Variants in DTNB observed in about 807,000 individuals in gnomAD.
DTNB encodes the protein DTN-B.
In DTNB, 63 loss-of-function variants were observed where a neutral mutation model predicts 90.7. The observed-to-expected ratio is 0.69, with a 90% CI of 0.57 to 0.86. DTNB has a LOEUF of 0.86. Among genes scored for constraint, DTNB ranks in the 40% least tolerant of loss-of-function variants. The pLI is 0.00. For missense variants in DTNB, 744 were observed against 807.1 expected (o/e 0.92, Z 0.95); for synonymous variants, 277 against 286.7 (o/e 0.97, Z 0.34).
chr2:25,613,593 C>A (rs939284177), intron 4 of DTNB, among the ~76,000 whole-genome samples: 1 of 150,420 alleles, frequency 6.6e-6, no homozygotes, highest in African/African-American at 2.5e-5. Flanking sequence ...TAAAAGACAA[C>A]AAGTCAGTAT....
intron 4 of DTNB, among the ~76,000 whole-genome samples, chr2:25,627,336 C>T (rs1422952178): frequency 2.0e-5 from 3 of 151,804 alleles, no homozygotes; most frequent in Middle Eastern, 3.2e-3. Flanking sequence ...CGCTTGAACC[C>T]GGGGGGTGGA....
chr2:25,386,090 C>T, intron 18 of DTNB: 2 of 985,500 alleles, frequency 2.0e-6, no homozygotes, highest in Non-Finnish European at 2.4e-6. Context: ...GGCCGTGCTT[C>T]TGATGGGGGT....
At chr2:25,405,091 C>T (rs147746806) in intron 16 of DTNB, among the ~76,000 whole-genome samples, 88 of 152,116 alleles carry the variant, frequency 5.8e-4, no homozygotes, top group Non-Finnish European at 1.1e-3. Flanking sequence ...CCATGCCTGG[C>T]TAATTACTGT....
intron 12 of DTNB, among the ~76,000 whole-genome samples, chr2:25,444,612 T>TG (rs1558551631): frequency 6.6e-6 from 1 of 151,220 alleles, no homozygotes; most frequent in Non-Finnish European, 1.5e-5. Flanking sequence ...CAACGTGAAA[T>TG]GTCTTTCTTC....
intron 19 of DTNB, chr2:25,379,926 T>C (rs1176599137): frequency 6.6e-6 from 1 of 152,474 alleles, no homozygotes; most frequent in Non-Finnish European, 1.5e-5. Context: ...GATGATGTAC[T>C]ATGGGGGAAG....
At chr2:25,450,653 T>C (rs1046182001) in intron 12 of DTNB, among the ~76,000 whole-genome samples, 2 of 152,248 alleles carry the variant, frequency 1.3e-5, no homozygotes, top group Non-Finnish European at 2.9e-5. Flanking sequence ...ATCCTAACAA[T>C]ATTAAATCTT....
chr2:25,481,072 G>A (rs1364382769), intron 10 of DTNB, among the ~76,000 whole-genome samples: 2 of 151,978 alleles, frequency 1.3e-5, no homozygotes, highest in East Asian at 1.9e-4. Flanking sequence ...CCAAAAGGTA[G>A]ATATTATTTT....
intron 9 of DTNB, among the ~76,000 whole-genome samples, chr2:25,510,917 G>A (rs2150685371): frequency 6.6e-6 from 1 of 152,290 alleles, no homozygotes; most frequent in South Asian, 2.1e-4. Context: ...TGGGATTTGG[G>A]GGCTAAAAAT....
chr2:25,579,881 T>C (rs770106978), intron 7 of DTNB, among the ~76,000 whole-genome samples: 6 of 151,910 alleles, frequency 3.9e-5, no homozygotes, highest in Non-Finnish European at 8.8e-5. Context: ...TAAAAATCAG[T>C]TGGGCTCAAA....
chr2:25,553,115 C>G (rs2056657005), intron 8 of DTNB, among the ~76,000 whole-genome samples: 1 of 151,836 alleles, frequency 6.6e-6, no homozygotes, highest in East Asian at 1.9e-4. Context: ...CCGCCTCGGC[C>G]TCCCAGTTGA....
At chr2:25,437,078 C>T (rs1431646645) in intron 12 of DTNB, among the ~76,000 whole-genome samples, 1 of 152,028 alleles carries the variant, frequency 6.6e-6, no homozygotes, top group African/African-American at 2.4e-5. Flanking sequence ...CACTGTAATG[C>T]AAATATAAAG....
intron 16 of DTNB, 73 bp downstream of exon 16, chr2:25,419,442 A>G (rs537967610): frequency 1.3e-6 from 2 of 1,550,114 alleles, no homozygotes; most frequent in Admixed American, 3.9e-5. Flanking sequence ...AGAAGAGGAG[A>G]AACATTTATA....
At chr2:25,599,741 T>C (rs1473614973) in intron 5 of DTNB, among the ~76,000 whole-genome samples, 1 of 152,066 alleles carries the variant, frequency 6.6e-6, no homozygotes, top group African/African-American at 2.4e-5. Context: ...ATGTTACCAA[T>C]GATATGAATA....
intron 6 of DTNB, among the ~76,000 whole-genome samples, chr2:25,585,685 T>C (rs916876132): frequency 2.0e-5 from 3 of 152,244 alleles, no homozygotes; most frequent in East Asian, 1.9e-4. Flanking sequence ...ATGTGCAACA[T>C]AGAAATATTT....
intron 8 of DTNB, among the ~76,000 whole-genome samples, chr2:25,543,653 A>C (rs2081822649): frequency 6.6e-6 from 1 of 152,184 alleles, no homozygotes; most frequent in Admixed American, 6.5e-5. Context: ...TATCTAGAAA[A>C]TTTAATGAAT....
rs139353304 is a variant in DTNB at position 25,382,194 on chromosome 2, T to A, written c.1879+1642A>T. Among the ~76,000 whole-genome samples, 65 of 152,300 alleles carry A rather than the reference T, an allele frequency of 4.3e-4. No individual in the cohort carries two copies. In the Middle Eastern group the frequency reaches 0.01, roughly 24 times the overall value. ...GCTTCCTGCTCTCCCTACCTTCACC[T>A]CCTTGGGGTGACCAGCCATTGCATT... On this transcript the variant is annotated intron_variant, in intron 19 of 20. Transcript: ENST00000406818.
intron 12 of DTNB, among the ~76,000 whole-genome samples, chr2:25,440,743 G>C (rs1002799201): frequency 6.6e-6 from 1 of 152,144 alleles, no homozygotes; most frequent in Non-Finnish European, 1.5e-5. Flanking sequence ...ACTCAAACTA[G>C]GTTAAACAGT....
chr2:25,392,147 G>A (rs1346472339), intron 16 of DTNB, among the ~76,000 whole-genome samples: 2 of 152,078 alleles, frequency 1.3e-5, no homozygotes, highest in African/African-American at 2.4e-5. Context: ...GGTGGCTCAC[G>A]CCTGTAATCC....
Position 25,392,756 on chromosome 2 carries a change from A to C in DTNB, c.1576-4395T>G, listed in dbSNP as rs570232388. On this transcript the variant is annotated intron_variant, in intron 16 of 20. Transcript: ENST00000406818. ...GTGAGATTGAAATGGTAATAAAAAA[A>C]ATTGCCAACAAAAAACAGTCCAGGA... 3.9e-5 allele frequency among the ~76,000 whole-genome samples: 6 copies of C among 152,310 alleles called. No individual in the cohort carries two copies. In the South Asian group the frequency reaches 1.2e-3, roughly 32 times the overall value.
Sources: gnomAD v4.1 joint callset for allele counts (sites outside exome capture counted in the v4.1 genomes callset) on GRCh38, gnomAD v4.1.1 for gene constraint, MANE v1.5 for transcripts, NCBI Gene and HGNC (gene_info 2026-07-23, HGNC 2026-07-21) for gene names.